The following C12orf42 variants were observed in gnomAD, a reference collection of about 807,000 sequenced individuals.
The protein encoded by C12orf42 is chromosome 12 open reading frame 42.
In C12orf42, 25 loss-of-function variants were observed where a neutral mutation model predicts 21.6. The ratio of observed to expected loss-of-function variants is 1.16; its 90% CI spans 0.84 to 1.62. The LOEUF (loss-of-function observed/expected upper bound fraction) is 1.62. Ranked by LOEUF, C12orf42 falls within the 40% of genes most tolerant of loss-of-function variation. The pLI, the probability that C12orf42 is intolerant of heterozygous loss-of-function variation, is 0.00. For synonymous variants in C12orf42, 174 were observed against 175.0 expected (o/e 0.99, Z 0.05); for missense variants, 483 against 459.3 (o/e 1.05, Z -0.47).
At chr12:103,538,956 A>C in the C12orf42 span, among the ~76,000 whole-genome samples, 1 of 152,144 alleles carries the variant, frequency 6.6e-6, no homozygotes, top group African/African-American at 2.4e-5. Context: ...GGCCTTAAAG[A>C]GGGGGAGGAG....
At chr12:103,073,979 G>T in the C12orf42 span, among the ~76,000 whole-genome samples, 1 of 152,100 alleles carries the variant, frequency 6.6e-6, no homozygotes, top group East Asian at 1.9e-4. Context: ...TGAACCCAAT[G>T]AGAGCCAATA....
chr12:103,234,822 A>G (rs1252022791), downstream of C12orf42, among the ~76,000 whole-genome samples: 5 of 152,162 alleles, frequency 3.3e-5, no homozygotes, highest in Non-Finnish European at 1.5e-5. Context: ...TTTATTGCTC[A>G]GTTATGAATT....
the C12orf42 span, among the ~76,000 whole-genome samples, chr12:103,119,300 T>C: frequency 6.6e-6 from 1 of 152,216 alleles, no homozygotes; most frequent in South Asian, 2.1e-4. Flanking sequence ...ATTGTGATGA[T>C]TAAATGAGAT....
intron 2 of C12orf42, among the ~76,000 whole-genome samples, chr12:103,459,712 T>A (rs2137640982): frequency 6.6e-6 from 1 of 152,348 alleles, no homozygotes; most frequent in East Asian, 1.9e-4. Context: ...CAGATACAAC[T>A]TTCAATGAAA....
chr12:103,298,038 C>T (rs1049415031), downstream of C12orf42, among the ~76,000 whole-genome samples: 8 of 152,010 alleles, frequency 5.3e-5, no homozygotes, highest in Non-Finnish European at 1.0e-4. Flanking sequence ...CCTTTGAAAA[C>T]TGGCACAAAA....
the C12orf42 span, among the ~76,000 whole-genome samples, chr12:103,094,722 C>T: frequency 1.3e-5 from 2 of 152,052 alleles, no homozygotes; most frequent in African/African-American, 2.4e-5. Flanking sequence ...TAGATGTTGC[C>T]TGCCACATAA....
the C12orf42 span, among the ~76,000 whole-genome samples, chr12:103,511,007 C>T: frequency 6.6e-6 from 1 of 152,194 alleles, no homozygotes; most frequent in Non-Finnish European, 1.5e-5. Flanking sequence ...CCATTCCAGC[C>T]TCTTCTCATG....
chr12:103,164,510 A>C, the C12orf42 span: 196 of 450,468 alleles, frequency 4.4e-4, 2 homozygotes, highest in South Asian at 2.5e-3. Context: ...ATTTGCCAGG[A>C]AAGAATTGGG....
intron 4 of C12orf42, among the ~76,000 whole-genome samples, chr12:103,295,464 T>A (rs2037202533): frequency 6.6e-6 from 1 of 152,138 alleles, no homozygotes; most frequent in South Asian, 2.1e-4. Context: ...TGTACTGTAA[T>A]CTTTGCGAGC....
intron 3 of C12orf42, among the ~76,000 whole-genome samples, chr12:103,387,945 C>G (rs2046752451): frequency 6.6e-6 from 1 of 152,158 alleles, no homozygotes; most frequent in Non-Finnish European, 1.5e-5. Flanking sequence ...CTTTCTTAAT[C>G]CAACTCAACT....
chr12:103,091,946 TGG>T, the C12orf42 span, among the ~76,000 whole-genome samples: 1 of 152,228 alleles, frequency 6.6e-6, no homozygotes. Flanking sequence ...GAAAGGTCTC[TGG>T]CAGGTTGACT....
intron 1 of C12orf42, among the ~76,000 whole-genome samples, chr12:103,492,496 T>C (rs1397090040): frequency 6.6e-6 from 1 of 152,192 alleles, no homozygotes; most frequent in East Asian, 1.9e-4. Flanking sequence ...TTAACAAAAA[T>C]TTCCTCTCCC....
chr12:103,051,276 T>A, the C12orf42 span, among the ~76,000 whole-genome samples: 75 of 152,326 alleles, frequency 4.9e-4, no homozygotes, highest in African/African-American at 1.8e-3. Flanking sequence ...GTCATTAGAT[T>A]ATGCATTTCT....
chr12:103,317,294 C>A (rs887826322), intron 4 of C12orf42, among the ~76,000 whole-genome samples: 1 of 152,110 alleles, frequency 6.6e-6, no homozygotes. Context: ...TCAACCACCC[C>A]CTCTCTCCTA....
chr12:103,122,739 T>C, the C12orf42 span, among the ~76,000 whole-genome samples: 1 of 152,130 alleles, frequency 6.6e-6, no homozygotes, highest in Non-Finnish European at 1.5e-5. Context: ...CAGTTGGGTA[T>C]TAAGAGTGTC....
chr12:103,170,339 C>T, the C12orf42 span, among the ~76,000 whole-genome samples: 2 of 152,136 alleles, frequency 1.3e-5, no homozygotes, highest in Non-Finnish European at 2.9e-5. Context: ...AAAAACCTGA[C>T]ATTTTAGTAT....
chr12:103,156,696 A>G, the C12orf42 span, among the ~76,000 whole-genome samples: 2 of 151,234 alleles, frequency 1.3e-5, no homozygotes, highest in East Asian at 1.9e-4. Flanking sequence ...TCATTGTTCA[A>G]CTCCCACTTA....
chr12:103,439,649 A>G (rs1338429283), intron 2 of C12orf42, among the ~76,000 whole-genome samples: 1 of 150,426 alleles, frequency 6.6e-6, no homozygotes, highest in Non-Finnish European at 1.5e-5. Context: ...CAAAAAACAC[A>G]TGAAAAAATG....
chr12:103,215,344 G>A, the C12orf42 span, among the ~76,000 whole-genome samples: 1 of 151,444 alleles, frequency 6.6e-6, no homozygotes, highest in African/African-American at 2.4e-5. Context: ...ACTAATACAA[G>A]TATTAATAAA....
Sources: allele counts gnomAD v4.1 joint callset (sites outside exome capture counted in the v4.1 genomes callset), GRCh38; gene constraint gnomAD v4.1.1; transcripts MANE v1.5; gene names NCBI Gene and HGNC (gene_info 2026-07-23, HGNC 2026-07-21).